ANO7: variants seen among roughly 807,000 people sequenced by gnomAD.
ANO7 encodes the protein anoctamin-7.
ANO7 carries 114 observed loss-of-function variants against 115.8 expected under a neutral mutation model. The ratio of observed to expected loss-of-function variants is 0.98; its 90% confidence interval spans 0.85 to 1.15. The LOEUF is 1.15. ANO7 is among the 50% of genes most tolerant of loss of function. The pLI is 0.00. For synonymous variants in ANO7, 550 were observed against 498.2 expected (o/e 1.10, Z -1.38); for missense variants, 1,302 against 1,201.2 (o/e 1.08, Z -1.24).
At chr2:241,229,232 G>A (rs547760012), downstream of ANO7, 25 of 239,036 alleles carry the variant, frequency 1.0e-4, no homozygotes, top group South Asian at 1.2e-3. Context: ...ATAAAGTCAA[G>A]GACGTTTATT....
At chr2:241,190,229 A>G (rs2149090786) in intron 2 of ANO7, 58 bp downstream of exon 2, 2 of 1,440,730 alleles carry the variant, frequency 1.4e-6, no homozygotes, top group South Asian at 1.3e-5. Context: ...GCCTGGGTCT[A>G]TGCCCCCACC....
intron 11 of ANO7, among the ~76,000 whole-genome samples, chr2:241,209,041 T>C (rs375321251): frequency 3.6e-4 from 55 of 152,266 alleles, no homozygotes; most frequent in Admixed American, 1.5e-3. Context: ...CCCAGCTACT[T>C]GGGAGGCTGA....
rs760887425 is a variant in ANO7, at chr2:241,217,901, G to C, written c.2178+10G>C. The C allele has an allele frequency of 2.0e-6, 3 of 1,512,724 alleles. No homozygotes were observed. Among genetic ancestry groups the C allele is most frequent in the Non-Finnish European group, 2.6e-6 (3 of 1,133,660 alleles). The allele number at this position is 1,512,724 out of a possible 1,614,324, so 93.7% of individuals were successfully genotyped here. A position where few individuals can be genotyped will look rare whatever the true frequency, so the allele number is the denominator to read the frequency against. The stretch of plus-strand genomic sequence containing the variant: ...GGCGGTCATCAGCAACGTGAGGCCC[G>C]GGCGGGAGCGCGGGGCGGGGCGGGG... On this transcript the variant is annotated intron_variant, in intron 20 of 24. Coordinates refer to ENST00000674324, the MANE Select transcript of ANO7 (RefSeq NM_001370694.2).
At chr2:241,236,606 G>A in the ANO7 span, 920 of 1,613,674 alleles carry the variant, frequency 5.7e-4, 5 homozygotes, top group African/African-American at 0.011. Context: ...GGGGCACATG[G>A]ACACATACCT....
At chr2:241,201,850 G>A (rs1000578429) in intron 7 of ANO7, among the ~76,000 whole-genome samples, 17 of 152,238 alleles carry the variant, frequency 1.1e-4, no homozygotes, top group Non-Finnish European at 8.8e-5. Context: ...CTGCCAGGCT[G>A]CAGTGTTCAC....
At chr2:241,202,787 C>T (rs143814385) in intron 8 of ANO7, among the ~76,000 whole-genome samples, 53 of 152,334 alleles carry the variant, frequency 3.5e-4, no homozygotes, top group African/African-American at 1.1e-3. Flanking sequence ...CCAAGCCTTC[C>T]CCCTTGGCCG....
downstream of ANO7, chr2:241,229,731 A>G (rs774026826): frequency 3.8e-5 from 62 of 1,611,192 alleles, no homozygotes; most frequent in Non-Finnish European, 4.8e-5. Flanking sequence ...ATGCTCCCCA[A>G]CTCGCAAGCA....
At chr2:241,201,553 G>T (rs1361999748) in intron 7 of ANO7, among the ~76,000 whole-genome samples, 198 bp downstream of exon 7, 1 of 152,226 alleles carries the variant, frequency 6.6e-6, no homozygotes, top group East Asian at 1.9e-4. Context: ...TTGGGAAGGG[G>T]TGGGGAAGGG....
At chr2:241,216,623 A>T (rs2068834289) in intron 19 of ANO7, among the ~76,000 whole-genome samples, 1 of 152,174 alleles carries the variant, frequency 6.6e-6, no homozygotes, top group South Asian at 2.1e-4. Context: ...CGGCCTGGAG[A>T]GCCAATGTTC....
chr2:241,203,362 G>T lies in ANO7; in HGVS notation c.753G>T (p.Pro251=). The T allele has an allele frequency of 6.3e-7, 1 of 1,580,214 alleles. No individual in the cohort carries two copies. Among genetic ancestry groups the T allele is most frequent in the East Asian group, 2.3e-5 (1 of 42,900 alleles). ...CCTTCAAGACGCCCCCAGAGGGCCC[G>T]CAGGCTCCACGCCTCAACCAGCGCC... ...DGPFKTPPEG[P]QAPRLNQRQV... is the part of the protein sequence containing the mutation. Residue 251 remains proline (P), a synonymous_variant, in exon 9 of 25, where the codon CCG becomes CCT. Coordinates refer to ENST00000674324, the MANE Select transcript of ANO7 (RefSeq NM_001370694.2). The surrounding 1 kb of genome is among the most constrained non-coding windows in gnomAD (Gnocchi z 4.8).
intron 8 of ANO7, among the ~76,000 whole-genome samples, chr2:241,202,563 T>C (rs2068497458): frequency 6.6e-6 from 1 of 152,218 alleles, no homozygotes; most frequent in Non-Finnish European, 1.5e-5. Context: ...CCCTGGGCTC[T>C]AGATGCTATG....
At chr2:241,202,100 T>A (rs890101819) in intron 7 of ANO7, 94 bp from the exon 8 acceptor site, 1 of 1,044,268 alleles carries the variant, frequency 9.6e-7, no homozygotes, top group Non-Finnish European at 1.4e-6. Flanking sequence ...AGGGAGGCCG[T>A]CCATGGCCTT....
At chr2:241,204,451 G>A (rs2068544315) in intron 9 of ANO7, among the ~76,000 whole-genome samples, 2 of 151,928 alleles carry the variant, frequency 1.3e-5, no homozygotes, top group Middle Eastern at 3.2e-3. Flanking sequence ...GGGGAGGGAG[G>A]TACCCGGAAT....
At chr2:241,220,131 C>T (rs2068974401) in intron 21 of ANO7, among the ~76,000 whole-genome samples, 1 of 152,056 alleles carries the variant, frequency 6.6e-6, no homozygotes, top group Middle Eastern at 3.2e-3. Flanking sequence ...TATGTATTGC[C>T]TTCTCCGAGT....
In ANO7 at chr2:241,225,954, T is replaced by C. The variant is rs1274047349; in HGVS notation, c.*1801T>C. Among the ~76,000 whole-genome samples the C allele has an allele frequency of 2.0e-5, 3 of 152,314 alleles. No homozygotes were observed. Among genetic ancestry groups the C allele is most frequent in the Non-Finnish European group, 4.4e-5 (3 of 68,022 alleles). ...CTTCCTTCCAGCTGGTTGCTTTTTA[T>C]TGTTGCTGTCTTAAACTCCAAAGTT... On this transcript the variant is annotated 3_prime_UTR_variant, in exon 25 of 25. Transcript: ENST00000674324.
chr2:241,238,376 G>A, the ANO7 span: 4 of 287,866 alleles, frequency 1.4e-5, no homozygotes, highest in South Asian at 1.5e-4. This position sits in a 1 kb window ranked among gnomAD's most constrained non-coding sequence, Gnocchi z 4.9. Context: ...CGGGACACCC[G>A]AGGATGAGGC....
At chr2:241,205,092 C>A in intron 10 of ANO7, 137 bp downstream of exon 10, 1 of 705,886 alleles carries the variant, frequency 1.4e-6, no homozygotes, top group South Asian at 1.7e-5. Context: ...TGAGCACATG[C>A]CTGTCTTCAG....
At chr2:241,208,939 G>A (rs966038748) in intron 11 of ANO7, among the ~76,000 whole-genome samples, 1 of 152,082 alleles carries the variant, frequency 6.6e-6, no homozygotes, top group Non-Finnish European at 1.5e-5. Context: ...CACAAGGTCA[G>A]AAGATCGAGA....
chr2:241,208,896 T>C (rs1469620052), intron 11 of ANO7, among the ~76,000 whole-genome samples: 1 of 152,146 alleles, frequency 6.6e-6, no homozygotes, highest in African/African-American at 2.4e-5. Context: ...ACGCCTGTAA[T>C]CCCAGCACTT....
Sources: allele counts gnomAD v4.1 joint callset (sites outside exome capture counted in the v4.1 genomes callset), GRCh38; gene constraint gnomAD v4.1.1; non-coding constraint Gnocchi (gnomAD v3.1); transcripts MANE v1.5; gene names NCBI Gene and HGNC (gene_info 2026-07-23, HGNC 2026-07-21).